Variants in PTPRT observed in about 807,000 individuals in gnomAD.
PTPRT encodes the protein protein tyrosine phosphatase receptor type T, also known as receptor-type tyrosine-protein phosphatase T.
A neutral mutation model predicts 176.8 loss-of-function variants in PTPRT; 56 were observed. The ratio of observed to expected loss-of-function variants is 0.32; its 90% CI spans 0.26 to 0.40. PTPRT has a LOEUF of 0.40. Ranked by LOEUF, PTPRT falls within the 10% of genes least tolerant of loss-of-function variation. The probability of loss-of-function intolerance (pLI) is 1.00; values close to 1 mark genes in which losing one functional copy is unlikely to be tolerated. For synonymous variants in PTPRT, 783 were observed against 739.0 expected, an observed-to-expected ratio of 1.06 and a Z score of -0.96; for missense variants, 1,540 against 1,908.2, an observed-to-expected ratio of 0.81 and a Z score of 3.60.
chr20:42,525,672 C>A (rs564971876), intron 7 of PTPRT, among the ~76,000 whole-genome samples: 30 of 152,302 alleles, frequency 2.0e-4, no homozygotes, highest in Admixed American at 7.2e-4. Flanking sequence ...TCCACATTTC[C>A]ATTTCCCTAA....
intron 1 of PTPRT, among the ~76,000 whole-genome samples, chr20:43,114,343 G>A (rs1271492921): frequency 3.9e-5 from 6 of 152,140 alleles, no homozygotes; most frequent in Non-Finnish European, 2.9e-5. Context: ...TCTCAGCTCC[G>A]CACTTACTTA....
intron 21 of PTPRT, among the ~76,000 whole-genome samples, chr20:42,115,853 G>A (rs746101097): frequency 1.1e-4 from 16 of 152,130 alleles, no homozygotes; most frequent in Non-Finnish European, 1.3e-4. Flanking sequence ...TGGCAGTTGG[G>A]GGTCTGGAAG....
intron 11 of PTPRT, among the ~76,000 whole-genome samples, chr20:42,336,479 T>C (rs1268761171): frequency 6.6e-6 from 1 of 152,292 alleles, no homozygotes; most frequent in East Asian, 1.9e-4. Context: ...GCTATTTGAT[T>C]TTCCAACTAT....
intron 2 of PTPRT, among the ~76,000 whole-genome samples, chr20:42,821,662 C>T (rs917548618): frequency 2.6e-5 from 4 of 152,086 alleles, no homozygotes; most frequent in African/African-American, 7.2e-5. Context: ...ATAGAAAACC[C>T]CACCATCTCA....
chr20:42,537,260 C>G (rs1194269381), intron 7 of PTPRT, among the ~76,000 whole-genome samples: 3 of 152,058 alleles, frequency 2.0e-5, no homozygotes, highest in Non-Finnish European at 4.4e-5. Context: ...TGGTGGAGAA[C>G]AGCCACGAGT....
intron 12 of PTPRT, among the ~76,000 whole-genome samples, chr20:42,311,381 T>C (rs765642362): frequency 1.6e-4 from 24 of 152,188 alleles, no homozygotes; most frequent in Admixed American, 3.3e-4. Flanking sequence ...TCTGTTAACC[T>C]GACAAACCAT....
chr20:43,090,799 T>C (rs569323028), intron 1 of PTPRT, among the ~76,000 whole-genome samples: 15 of 151,832 alleles, frequency 9.9e-5, no homozygotes, highest in African/African-American at 3.6e-4. Context: ...ATCTACTAGA[T>C]GCTCCTAGAG....
chr20:43,001,582 A>G (rs1984557536), intron 1 of PTPRT, among the ~76,000 whole-genome samples: 1 of 152,162 alleles, frequency 6.6e-6, no homozygotes, highest in South Asian at 2.1e-4. Flanking sequence ...TCCAAAACCA[A>G]TAAAAACAAG....
intron 11 of PTPRT, among the ~76,000 whole-genome samples, chr20:42,346,086 T>C (rs1003236462): frequency 6.6e-6 from 1 of 151,792 alleles, no homozygotes; most frequent in African/African-American, 2.4e-5. Flanking sequence ...TCCTGGCGGG[T>C]GCAGGTCCAC....
At chr20:42,645,588 T>C (rs914621931) in intron 7 of PTPRT, among the ~76,000 whole-genome samples, 5 of 151,978 alleles carry the variant, frequency 3.3e-5, no homozygotes, top group African/African-American at 7.3e-5. Context: ...GGGTTTCCTA[T>C]GAAGAAGGAA....
intron 9 of PTPRT, among the ~76,000 whole-genome samples, chr20:42,388,589 C>A (rs879260471): frequency 2.6e-5 from 4 of 152,166 alleles, no homozygotes; most frequent in Non-Finnish European, 5.9e-5. Flanking sequence ...CCATCTCACA[C>A]CAGTTAGAAT....
At chr20:42,794,231 A>C (rs1237212100) in intron 2 of PTPRT, among the ~76,000 whole-genome samples, 3 of 152,122 alleles carry the variant, frequency 2.0e-5, no homozygotes, top group African/African-American at 7.2e-5. Context: ...GGGACATGCA[A>C]CTGAGTTCTA....
intron 7 of PTPRT, among the ~76,000 whole-genome samples, chr20:42,595,751 T>C (rs952683087): frequency 6.6e-6 from 1 of 152,188 alleles, no homozygotes; most frequent in Non-Finnish European, 1.5e-5. Context: ...TCTCTCCTCT[T>C]GCCAGGAATT....
intron 7 of PTPRT, among the ~76,000 whole-genome samples, chr20:42,569,890 T>C (rs1397107535): frequency 1.3e-5 from 2 of 152,230 alleles, no homozygotes; most frequent in African/African-American, 4.8e-5. Flanking sequence ...TGTATGTCAC[T>C]GATATTTTGT....
At chr20:42,507,145 A>C (rs1388614058) in intron 7 of PTPRT, among the ~76,000 whole-genome samples, 1 of 152,162 alleles carries the variant, frequency 6.6e-6, no homozygotes, top group Non-Finnish European at 1.5e-5. Context: ...GCAGGTTAGA[A>C]GGCCCAAGAT....
intron 7 of PTPRT, among the ~76,000 whole-genome samples, chr20:42,556,554 A>G (rs1044392695): frequency 0.029 from 4 of 136 alleles, no homozygotes; most frequent in African/African-American, 0.11. Context: ...ATCCCTATAT[A>G]TATATATATC....
chr20:42,683,203 C>G (rs1232781663), intron 6 of PTPRT, among the ~76,000 whole-genome samples: 2 of 152,194 alleles, frequency 1.3e-5, no homozygotes, highest in Non-Finnish European at 2.9e-5. Flanking sequence ...ACGGTTGTGC[C>G]ATTCTCATTT....
intron 1 of PTPRT, among the ~76,000 whole-genome samples, chr20:43,114,221 G>A (rs1282979198): frequency 2.0e-5 from 3 of 152,068 alleles, no homozygotes; most frequent in Non-Finnish European, 4.4e-5. Flanking sequence ...TCTAACACAG[G>A]AGGGAACATG....
In PTPRT at chr20:42,074,490, A is replaced by ACATT. The variant is rs1982583873; in HGVS notation, c.*6385_*6388dup. On this transcript the variant is annotated 3_prime_UTR_variant, in exon 31 of 31. Transcript: ENST00000373187. ...AGGCCACCAGACACTCATTCTCCGA[A>ACATT]CATTCCAATTAAGGATCAGAGTCCA... 5 of 328,276 alleles carry ACATT rather than the reference A, an allele frequency of 1.5e-5. No individual in the cohort carries two copies. In the East Asian group the frequency reaches 2.2e-4, roughly 15 times the overall value. The allele number at this position is 328,276 out of a possible 1,614,324, so 20.3% of individuals were successfully genotyped here. A position where few individuals can be genotyped will look rare whatever the true frequency, so the allele number is the denominator to read the frequency against.
Sources: gnomAD v4.1 joint callset for allele counts (sites outside exome capture counted in the v4.1 genomes callset) on GRCh38, gnomAD v4.1.1 for gene constraint, MANE v1.5 for transcripts, NCBI Gene and HGNC (gene_info 2026-07-23, HGNC 2026-07-21) for gene names.